The following TENM2 variants were observed in gnomAD, a reference collection of about 807,000 sequenced individuals.
TENM2 encodes teneurin-2.
TENM2 carries 52 observed loss-of-function variants against 245.2 expected under a neutral mutation model. The observed-to-expected ratio is 0.21, with a 90% CI of 0.17 to 0.27. The LOEUF (loss-of-function observed/expected upper bound fraction) is 0.27, where lower values mean the gene tolerates loss of function less well. Ranked by LOEUF, TENM2 falls within the 10% of genes least tolerant of loss-of-function variation. The probability of loss-of-function intolerance (pLI) is 1.00; values close to 1 mark genes in which losing one functional copy is unlikely to be tolerated. For synonymous variants in TENM2, 1,363 were observed against 1,438.9 expected, an observed-to-expected ratio of 0.95 and a Z score of 1.19; for missense variants, 3,046 against 3,666.8, an observed-to-expected ratio of 0.83 and a Z score of 4.37.
intron 9 of TENM2, among the ~76,000 whole-genome samples, chr5:168,112,599 C>A (rs1794749582): frequency 5.1e-5 from 1 of 19,710 alleles, no homozygotes; most frequent in Non-Finnish European, 1.2e-4. Flanking sequence ...ATACAGTGTG[C>A]AGTGGGCGGG....
At chr5:167,509,183 T>C (rs1412124869) in intron 2 of TENM2, among the ~76,000 whole-genome samples, 3 of 152,242 alleles carry the variant, frequency 2.0e-5, no homozygotes, top group African/African-American at 7.2e-5. Flanking sequence ...TTCTTGTCTA[T>C]ATTTTTGTTA....
At chr5:167,583,097 A>G (rs116219304) in intron 2 of TENM2, among the ~76,000 whole-genome samples, 1,713 of 152,330 alleles carry the variant, frequency 0.011, 17 homozygotes, top group Admixed American at 0.018. Context: ...GTAGCCATGA[A>G]CTATTTGATA....
At chr5:167,449,488 T>C (rs942219839) in intron 2 of TENM2, among the ~76,000 whole-genome samples, 7 of 150,332 alleles carry the variant, frequency 4.7e-5, no homozygotes, top group African/African-American at 1.7e-4. Context: ...TGTGGCAGAG[T>C]GTGCATACCC....
intron 2 of TENM2, among the ~76,000 whole-genome samples, chr5:167,687,542 G>T (rs1043507723): frequency 1.3e-5 from 2 of 152,146 alleles, no homozygotes; most frequent in African/African-American, 4.8e-5. Context: ...CCAGGCTCAC[G>T]TTGATGGATA....
At chr5:167,473,858 G>A (rs1453188280) in intron 2 of TENM2, among the ~76,000 whole-genome samples, 1 of 152,168 alleles carries the variant, frequency 6.6e-6, no homozygotes, top group Non-Finnish European at 1.5e-5. Context: ...CAGGACTGGA[G>A]CAGTACCTGT....
the TENM2 span, among the ~76,000 whole-genome samples, chr5:167,172,830 G>A: frequency 6.6e-6 from 1 of 151,838 alleles, no homozygotes. Context: ...TGCTCATGCT[G>A]GTCTCAAATG....
At chr5:168,250,274 G>C (rs1384628554) in intron 27 of TENM2, among the ~76,000 whole-genome samples, 1 of 152,102 alleles carries the variant, frequency 6.6e-6, no homozygotes, top group East Asian at 1.9e-4. Context: ...ATGGTTGGTA[G>C]GTAGGTAGGT....
At chr5:168,190,090 G>A (rs887477321) in intron 13 of TENM2, among the ~76,000 whole-genome samples, 1 of 152,180 alleles carries the variant, frequency 6.6e-6, no homozygotes, top group Admixed American at 6.5e-5. Context: ...ATAAAGAAGA[G>A]AAACACACTA....
intron 3 of TENM2, among the ~76,000 whole-genome samples, chr5:167,906,893 TAA>T (rs1447004280): frequency 2.0e-5 from 3 of 151,936 alleles, no homozygotes; most frequent in African/African-American, 7.3e-5. Context: ...AGAATCTAAT[TAA>T]AAGAGACCCT....
chr5:168,156,222 A>G (rs938222938), intron 12 of TENM2, among the ~76,000 whole-genome samples: 1 of 135,550 alleles, frequency 7.4e-6, no homozygotes, highest in African/African-American at 2.8e-5. Context: ...CTGACTCCAA[A>G]CCAGGTTAAG....
At chr5:167,066,377 T>A in the TENM2 span, among the ~76,000 whole-genome samples, 1 of 152,080 alleles carries the variant, frequency 6.6e-6, no homozygotes, top group Non-Finnish European at 1.5e-5. Flanking sequence ...TAAAAAGAGA[T>A]GATGAGAATT....
chr5:167,573,515 T>TCTCTCCCC (rs1205012965), intron 2 of TENM2, among the ~76,000 whole-genome samples: 7 of 98,082 alleles, frequency 7.1e-5, no homozygotes, highest in South Asian at 3.9e-4. Context: ...TCTCTCTCTC[T>TCTCTCCCC]CTCTCCCCCT....
the TENM2 span, among the ~76,000 whole-genome samples, chr5:167,212,037 G>A: frequency 2.4e-4 from 37 of 152,234 alleles, no homozygotes; most frequent in African/African-American, 7.0e-4. Context: ...ACATCAGAGC[G>A]TTTCTCATAG....
chr5:168,015,508 C>T (rs971847714), intron 5 of TENM2, among the ~76,000 whole-genome samples: 2 of 152,172 alleles, frequency 1.3e-5, no homozygotes, highest in Non-Finnish European at 2.9e-5. Context: ...ACAGAAGCTT[C>T]TAGAATCGGA....
chr5:167,134,393 A>T, the TENM2 span, among the ~76,000 whole-genome samples: 1 of 152,164 alleles, frequency 6.6e-6, no homozygotes, highest in Admixed American at 6.5e-5. Context: ...TAGAACATTG[A>T]AAGGATAAAA....
chr5:167,650,820 ACT>A (rs1754408688), intron 2 of TENM2, among the ~76,000 whole-genome samples: 2 of 152,058 alleles, frequency 1.3e-5, no homozygotes, highest in African/African-American at 4.8e-5. Context: ...ATGGTTCAAC[ACT>A]CTCTGATCTG....
intron 25 of TENM2, among the ~76,000 whole-genome samples, chr5:168,229,197 T>A (rs1304933973): frequency 1.1e-5 from 1 of 93,274 alleles, no homozygotes; most frequent in Non-Finnish European, 1.8e-5. Flanking sequence ...GAAAACAGAC[T>A]CAGGGAAGCT....
intron 3 of TENM2, among the ~76,000 whole-genome samples, chr5:167,916,881 A>G (rs1167221399): frequency 6.6e-6 from 1 of 152,230 alleles, no homozygotes; most frequent in African/African-American, 2.4e-5. Context: ...CAGCAGCCGC[A>G]GCTGATCTCA....
chr5:167,728,331 G>A (rs984349618), intron 2 of TENM2, among the ~76,000 whole-genome samples: 1 of 152,014 alleles, frequency 6.6e-6, no homozygotes, highest in Non-Finnish European at 1.5e-5. Context: ...GGCCAGGCAT[G>A]ATGGCTCACG....
Sources: allele counts gnomAD v4.1 joint callset (sites outside exome capture counted in the v4.1 genomes callset), GRCh38; gene constraint gnomAD v4.1.1; transcripts MANE v1.5; gene names NCBI Gene and HGNC (gene_info 2026-07-23, HGNC 2026-07-21).